Variants in DLG1 observed in about 807,000 individuals in gnomAD.
DLG1 encodes disks large homolog 1.
In DLG1, 42 loss-of-function variants were observed where a neutral mutation model predicts 123.4. The ratio of observed to expected loss-of-function variants is 0.34; its 90% CI spans 0.27 to 0.44. The LOEUF is 0.44. Ranked by LOEUF, DLG1 falls within the 20% of genes least tolerant of loss-of-function variation. The pLI is 1.00. For synonymous variants in DLG1, 317 were observed against 356.2 expected (o/e 0.89, Z 1.24); for missense variants, 942 against 1,082.6 (o/e 0.87, Z 1.82).
chr3:197,169,399 T>C (rs1802970825), intron 5 of DLG1, among the ~76,000 whole-genome samples: 1 of 152,108 alleles, frequency 6.6e-6, no homozygotes, highest in African/African-American at 2.4e-5. Flanking sequence ...ATGGTGGTAA[T>C]GGACATATGA....
At chr3:197,180,067 T>TG (rs60631930) in intron 5 of DLG1, among the ~76,000 whole-genome samples, 2,122 of 87,630 alleles carry the variant, frequency 0.024, 66 homozygotes, top group East Asian at 0.038. Context: ...GTTTTTTTTT[T>TG]GGGGGGGGGG....
Position 197,190,767 on chromosome 3 carries a change from G to T in DLG1, c.483+3658C>A, listed in dbSNP as rs542977601. Among the ~76,000 whole-genome samples, 40 of 152,212 alleles carry T rather than the reference G, an allele frequency of 2.6e-4. 1 individual carries two copies. The East Asian group carries it at 5.8e-3, about 22-fold the overall frequency. On this transcript the variant is annotated intron_variant, in intron 5 of 24. Coordinates refer to ENST00000667157, the MANE Select transcript of DLG1 (RefSeq NM_001366207.1). Reference sequence around the variant, plus strand: ...GGCTCCCGCCTGTAATCCCAGCACTGTGGGAGGCCGAGGCGGGCGGATCAC... The same window carrying T: ...GGCTCCCGCCTGTAATCCCAGCACTTTGGGAGGCCGAGGCGGGCGGATCAC...
chr3:197,125,911 T>C (rs975414303), intron 11 of DLG1, among the ~76,000 whole-genome samples: 1 of 152,146 alleles, frequency 6.6e-6, no homozygotes, highest in African/African-American at 2.4e-5. Flanking sequence ...GTAAGCTGAA[T>C]AGCCTGACAG....
chr3:197,196,830 C>A (rs1036692018), intron 4 of DLG1, among the ~76,000 whole-genome samples: 2 of 152,082 alleles, frequency 1.3e-5, no homozygotes, highest in Non-Finnish European at 2.9e-5. Flanking sequence ...GTATTTTCTA[C>A]ATAAAACTAT....
intron 4 of DLG1, among the ~76,000 whole-genome samples, chr3:197,218,217 GA>G: frequency 6.6e-6 from 1 of 152,246 alleles, no homozygotes; most frequent in East Asian, 1.9e-4. Context: ...CAAAAACGAT[GA>G]AAAGAGCATG....
chr3:197,206,361 G>A (rs150277641), intron 4 of DLG1, among the ~76,000 whole-genome samples: 160 of 152,158 alleles, frequency 1.1e-3, no homozygotes, highest in African/African-American at 3.3e-3. Context: ...GTGCAGTGGC[G>A]TGATCTCGGC....
intron 4 of DLG1, among the ~76,000 whole-genome samples, chr3:197,243,820 C>T (rs781740540): frequency 6.6e-5 from 10 of 152,162 alleles, no homozygotes; most frequent in Non-Finnish European, 1.5e-4. Flanking sequence ...TATCTGATTT[C>T]GGGCTTTAAA....
chr3:197,130,625 G>C lies in DLG1; in HGVS notation c.1067C>G (p.Thr356Ser), dbSNP rs1782000137. ...LEEVTHEEAV[T>S]ALKNTSDFVY... Reference sequence around the variant, plus strand: ...AAAATCAGATGTGTTCTTTAAGGCAGTTACTGCTTCTTCATGAGTAACTTC... The same window carrying C: ...AAAATCAGATGTGTTCTTTAAGGCACTTACTGCTTCTTCATGAGTAACTTC... The change falls in exon 11 of 25, where the codon ACT becomes AGT. Residue 356 changes from threonine to serine, a missense_variant. By Grantham distance (58) the Thr-to-Ser change is moderately conservative (BLOSUM62 1). Coordinates refer to ENST00000667157, the MANE Select transcript of DLG1 (RefSeq NM_001366207.1). The C allele has an allele frequency of 6.2e-7, 1 of 1,609,736 alleles. No homozygotes were observed.
chr3:197,277,443 C>A (rs887668789), intron 4 of DLG1, among the ~76,000 whole-genome samples: 1 of 151,960 alleles, frequency 6.6e-6, no homozygotes. Flanking sequence ...TAGGTTCATG[C>A]GATTCTCACG....
chr3:197,131,275 G>A (rs995605744), intron 10 of DLG1, among the ~76,000 whole-genome samples: 1 of 152,136 alleles, frequency 6.6e-6, no homozygotes, highest in Non-Finnish European at 1.5e-5. Flanking sequence ...ATATGAGAGT[G>A]CCCATCTACT....
intron 5 of DLG1, among the ~76,000 whole-genome samples, chr3:197,166,274 A>G (rs955220216): frequency 6.6e-6 from 1 of 152,182 alleles, no homozygotes; most frequent in Non-Finnish European, 1.5e-5. Context: ...GATTGCTTAT[A>G]TACAGGGCAT....
chr3:197,047,319 T>C (rs1367272736), intron 24 of DLG1, among the ~76,000 whole-genome samples: 5 of 152,166 alleles, frequency 3.3e-5, no homozygotes, highest in Admixed American at 3.3e-4. Context: ...ATAAATGTGG[T>C]AAAATGTTAA....
chr3:197,127,574 A>G (rs1248307905), intron 11 of DLG1, among the ~76,000 whole-genome samples: 1 of 148,366 alleles, frequency 6.7e-6, no homozygotes, highest in African/African-American at 2.5e-5. Context: ...GCATACAAAT[A>G]TAAGCACTAG....
intron 4 of DLG1, among the ~76,000 whole-genome samples, chr3:197,243,201 T>C (rs1302958095): frequency 6.6e-6 from 1 of 152,108 alleles, no homozygotes; most frequent in Non-Finnish European, 1.5e-5. Context: ...GATTTAGCAT[T>C]TAGAAAAGGA....
chr3:197,278,513 A>T (rs1291526640), intron 4 of DLG1, among the ~76,000 whole-genome samples: 4 of 151,792 alleles, frequency 2.6e-5, no homozygotes, highest in Non-Finnish European at 5.9e-5. Context: ...AAAAATCCCT[A>T]TCACTCTGAA....
intron 5 of DLG1, 106 bp downstream of exon 5, chr3:197,194,319 G>C (rs1030982076): frequency 1.6e-6 from 1 of 617,356 alleles, no homozygotes; most frequent in Non-Finnish European, 2.4e-6. Flanking sequence ...TGGGGGGGTG[G>C]GGTAGGGCGA....
At position 197,090,292 on chromosome 3, in the gene DLG1, A is replaced by G. The variant is rs545075692; in HGVS notation, c.1661+620T>C. 3.8e-3 allele frequency among the ~76,000 whole-genome samples: 493 copies of G among 130,298 alleles called. 2 individuals are homozygous for G. The highest frequency in any genetic ancestry group is 0.012 in the Middle Eastern group (3 of 256). 85.5% of individuals were successfully genotyped at this position (130,298 alleles called of 152,430 possible). A position where few individuals can be genotyped will look rare whatever the true frequency, so the allele number is the denominator to read the frequency against. On this transcript the variant is annotated intron_variant, in intron 15 of 24. Transcript: ENST00000667157. ...CATTCGGATTTCTGTTTTAAGTCTT[A>G]TAAGCCAACGAAATGAAAAAAAAAA...
At chr3:197,222,441 G>C (rs776287695) in intron 4 of DLG1, among the ~76,000 whole-genome samples, 1 of 152,148 alleles carries the variant, frequency 6.6e-6, no homozygotes, top group Non-Finnish European at 1.5e-5. Context: ...TGTTAGTTTA[G>C]TATTTATTAT....
chr3:197,209,028 A>G (rs535841888), intron 4 of DLG1, among the ~76,000 whole-genome samples: 10 of 145,522 alleles, frequency 6.9e-5, no homozygotes, highest in African/African-American at 2.4e-4. Flanking sequence ...ATGTTAACTG[A>G]TTTTAATTAA....
Sources: gnomAD v4.1 joint callset for allele counts (sites outside exome capture counted in the v4.1 genomes callset) on GRCh38, gnomAD v4.1.1 for gene constraint, MANE v1.5 for transcripts, NCBI Gene and HGNC (gene_info 2026-07-23, HGNC 2026-07-21) for gene names.